The following SLCO1B3 variants were observed in gnomAD, a reference collection of about 807,000 sequenced individuals.
SLCO1B3 encodes solute carrier organic anion transporter family member 1B3, also known as liver-specific organic anion transporter 2.
A neutral mutation model predicts 71.8 loss-of-function variants in SLCO1B3; 72 were observed. The ratio of observed to expected loss-of-function variants is 1.00; its 90% CI spans 0.83 to 1.22. The LOEUF is 1.22. SLCO1B3 is among the 50% of genes most tolerant of loss of function. The pLI, the probability that SLCO1B3 is intolerant of heterozygous loss-of-function variation, is 0.00. For missense variants in SLCO1B3, 911 were observed against 819.7 expected (o/e 1.11, Z -1.36); for synonymous variants, 298 against 278.4 (o/e 1.07, Z -0.70).
At chr12:20,853,865 T>A (rs916260954) in intron 3 of SLCO1B3, among the ~76,000 whole-genome samples, 1 of 149,412 alleles carries the variant, frequency 6.7e-6, no homozygotes, top group African/African-American at 2.5e-5. Flanking sequence ...ACTTTCCCTT[T>A]AGTGCTGCTT....
chr12:20,873,928 A>G (rs796681787), intron 8 of SLCO1B3, among the ~76,000 whole-genome samples: 26 of 152,324 alleles, frequency 1.7e-4, no homozygotes, highest in African/African-American at 5.5e-4. Flanking sequence ...CCTGCAAAGG[A>G]CATTATCTCC....
chr12:20,842,430 C>T (rs1339358349), intron 3 of SLCO1B3, among the ~76,000 whole-genome samples: 4 of 151,982 alleles, frequency 2.6e-5, no homozygotes, highest in African/African-American at 9.7e-5. Flanking sequence ...GTTGATATAT[C>T]AATATGTAGA....
intron 8 of SLCO1B3, among the ~76,000 whole-genome samples, chr12:20,869,951 A>G (rs1865447852): frequency 6.6e-6 from 1 of 152,166 alleles, no homozygotes; most frequent in African/African-American, 2.4e-5. Flanking sequence ...CATTCTACCA[A>G]CAGTGTATAA....
At chr12:20,820,053 C>T (rs1864264522) in intron 3 of SLCO1B3, among the ~76,000 whole-genome samples, 1 of 151,812 alleles carries the variant, frequency 6.6e-6, no homozygotes, top group South Asian at 2.1e-4. Context: ...AAGTTGGCAC[C>T]AGAGTTGGGG....
chr12:20,914,165 G>T (rs940409770), intron 15 of SLCO1B3, among the ~76,000 whole-genome samples: 2 of 152,152 alleles, frequency 1.3e-5, no homozygotes, highest in African/African-American at 4.8e-5. Context: ...TTTTCTATTT[G>T]CTCTCCTTGT....
At position 20,891,773 on chromosome 12, in the gene SLCO1B3, T is replaced by TTCTAGC. The variant is rs1377715616; in HGVS notation, c.1683-6659_1683-6654dup. 5.3e-5 allele frequency among the ~76,000 whole-genome samples: 8 copies of TTCTAGC among 152,114 alleles called. No individual in the cohort carries two copies. The South Asian group carries it at 1.7e-3, about 31-fold the overall frequency. ...ACCAAGTTTATTTGAAAGACCTGTC[T>TTCTAGC]TCTAGCTCTGAAATTGTTTATTCTG... On this transcript the variant is annotated intron_variant, in intron 13 of 15. Coordinates refer to ENST00000381545, the MANE Select transcript of SLCO1B3 (RefSeq NM_019844.4).
At chr12:20,891,985 C>T (rs1365462469) in intron 13 of SLCO1B3, among the ~76,000 whole-genome samples, 1 of 151,748 alleles carries the variant, frequency 6.6e-6, no homozygotes, top group African/African-American at 2.4e-5. Flanking sequence ...TTTACATAAT[C>T]CCATATTACT....
chr12:20,862,407 G>A lies in SLCO1B3; in HGVS notation c.482-5G>A, dbSNP rs751923552. 1.3e-5 allele frequency: 21 copies of A among 1,604,794 alleles called. No individual in the cohort carries two copies. The highest frequency in any genetic ancestry group is 4.5e-5 in the East Asian group (2 of 44,662). ...TTAAAGTAAAACACTCTCTTGTCTC[G>A]ATAGATTGTGTAAAGGAATCTGGGT... On this transcript the variant is annotated splice_region_variant and splice_polypyrimidine_tract_variant and intron_variant, in intron 6 of 15. Coordinates refer to ENST00000381545, the MANE Select transcript of SLCO1B3 (RefSeq NM_019844.4).
rs769245082 is a variant in SLCO1B3, at chr12:20,833,143, G to A, written c.84+17321G>A. 4.6e-5 allele frequency among the ~76,000 whole-genome samples: 7 copies of A among 152,204 alleles called. No homozygotes were observed. The East Asian group carries it at 7.7e-4, about 17-fold the overall frequency. ...CGTGTTCAAAGCTAGTGAAGTCCAC[G>A]TCACATGGATGCTTCTTTCACATTT... On this transcript the variant is annotated intron_variant, in intron 3 of 15. Transcript: ENST00000381545.
intron 3 of SLCO1B3, among the ~76,000 whole-genome samples, chr12:20,847,785 T>A (rs1276983516): frequency 6.6e-6 from 1 of 151,774 alleles, no homozygotes; most frequent in African/African-American, 2.4e-5. Flanking sequence ...ATTACAGGGA[T>A]TTCAGAAGGA....
chr12:20,887,555 T>C (rs2121327389), intron 13 of SLCO1B3, among the ~76,000 whole-genome samples: 1 of 152,112 alleles, frequency 6.6e-6, no homozygotes, highest in African/African-American at 2.4e-5. Flanking sequence ...ACCCACTTTT[T>C]AATGAGGTTT....
intron 12 of SLCO1B3, 117 bp downstream of exon 12, chr12:20,881,137 A>G (rs1397110277): frequency 2.8e-6 from 2 of 722,048 alleles, no homozygotes; most frequent in Admixed American, 5.9e-5. Context: ...TAAAACAAAA[A>G]GATTCCAGTA....
chr12:20,866,517 T>A (rs1188015045), intron 8 of SLCO1B3, among the ~76,000 whole-genome samples: 2 of 152,060 alleles, frequency 1.3e-5, no homozygotes, highest in Non-Finnish European at 2.9e-5. Flanking sequence ...AAAAGGAAAG[T>A]GAATGATTTA....
intron 9 of SLCO1B3, 38 bp downstream of exon 9, chr12:20,875,515 A>G: frequency 6.3e-7 from 1 of 1,576,570 alleles, no homozygotes; most frequent in South Asian, 1.2e-5. Flanking sequence ...TGGAATTGTT[A>G]ATCTCAATGA....
At chr12:20,871,453 C>T (rs1367971524) in intron 8 of SLCO1B3, among the ~76,000 whole-genome samples, 1 of 152,068 alleles carries the variant, frequency 6.6e-6, no homozygotes, top group Admixed American at 6.6e-5. Flanking sequence ...TTTCCTGGCT[C>T]ATCTTAGTGC....
intron 3 of SLCO1B3, among the ~76,000 whole-genome samples, chr12:20,843,964 G>C (rs1432710848): frequency 2.0e-5 from 3 of 151,880 alleles, no homozygotes; most frequent in Non-Finnish European, 4.4e-5. Context: ...CTCTCAATCT[G>C]AGGTTTTCAC....
intron 8 of SLCO1B3, among the ~76,000 whole-genome samples, chr12:20,872,017 C>T (rs572777614): frequency 6.6e-6 from 1 of 152,198 alleles, no homozygotes; most frequent in East Asian, 1.9e-4. Context: ...GTCTGAGAGC[C>T]AAGGATTGGA....
At position 20,862,684 on chromosome 12, in the gene SLCO1B3, A is replaced by T. The variant is rs558728945; in HGVS notation, c.629-72A>T. ...TTGCAGAAGTGTATTGTATAATATT[A>T]CTTTTAAAAGCATGTTAAATGAAAA... On this transcript the variant is annotated intron_variant, in intron 7 of 15. Coordinates refer to ENST00000381545, the MANE Select transcript of SLCO1B3 (RefSeq NM_019844.4). 1.3e-5 allele frequency: 19 copies of T among 1,447,742 alleles called. No homozygotes were observed. In the East Asian group the frequency reaches 4.3e-4, roughly 33 times the overall value. The allele number at this position is 1,447,742 out of a possible 1,614,324, so 89.7% of individuals were successfully genotyped here. A position where few individuals can be genotyped will look rare whatever the true frequency, so the allele number is the denominator to read the frequency against.
intron 3 of SLCO1B3, among the ~76,000 whole-genome samples, chr12:20,819,286 C>T (rs1238000401): frequency 6.6e-6 from 1 of 152,074 alleles, no homozygotes; most frequent in Admixed American, 6.6e-5. Flanking sequence ...TCAGGGAGAG[C>T]ATGTGTGTTT....
Sources: gnomAD v4.1 joint callset for allele counts (sites outside exome capture counted in the v4.1 genomes callset) on GRCh38, gnomAD v4.1.1 for gene constraint, MANE v1.5 for transcripts, NCBI Gene and HGNC (gene_info 2026-07-23, HGNC 2026-07-21) for gene names.